Variants in KDM4A observed in about 807,000 individuals in gnomAD.
KDM4A encodes lysine demethylase 4A, also known as lysine-specific demethylase 4A.
A neutral mutation model predicts 127.1 loss-of-function variants in KDM4A; 23 were observed. The ratio of observed to expected loss-of-function variants is 0.18; its 90% CI spans 0.13 to 0.26. The LOEUF is 0.26. Ranked by LOEUF, KDM4A falls within the 10% of genes least tolerant of loss-of-function variation. KDM4A has a pLI of 1.00. For synonymous variants in KDM4A, 443 were observed against 466.5 expected (o/e 0.95, Z 0.65); for missense variants, 890 against 1,329.1 (o/e 0.67, Z 5.14).
At position 43,655,773 on chromosome 1, in the gene KDM4A, G is replaced by A. The variant is rs1048576504; in HGVS notation, c.314+7G>A. On this transcript the variant is annotated splice_region_variant and intron_variant, in intron 3 of 21. Coordinates refer to ENST00000372396, the MANE Select transcript of KDM4A (RefSeq NM_014663.3). ...AGATAGCCAATAGCGATAAGTGAGT[G>A]GAAACCCTTTCTTACCTGACATAGC... 1 of 1,601,644 alleles carries A rather than the reference G, an allele frequency of 6.2e-7. No individual in the cohort carries two copies. The highest frequency in any genetic ancestry group is 1.3e-5 in the African/African-American group (1 of 74,576).
chr1:43,700,268 C>T (rs1316379257), intron 19 of KDM4A, among the ~76,000 whole-genome samples: 1 of 152,108 alleles, frequency 6.6e-6, no homozygotes, highest in Non-Finnish European at 1.5e-5. Flanking sequence ...GCTGGGACTA[C>T]AGGCCCTTGT....
rs759138533 is a variant in KDM4A at position 43,669,117 on chromosome 1, T to C, written c.1181T>C (p.Ile394Thr). Residue 394 changes from isoleucine (I) to threonine (T), a missense_variant, in exon 10 of 22, where the codon ATA (isoleucine) becomes ACA (threonine). Ile to Thr is a moderately conservative substitution (Grantham distance 89, BLOSUM62 -1). Transcript: ENST00000372396. ...DLKTSLAKHRIGTKRHRVCLE... is the reference protein window; with the variant it reads ...DLKTSLAKHRTGTKRHRVCLE... ...CCTTGCAGCCTGGCCAAGCACCGAATAGGGACAAAGAGGCACCGAGTTTGT... is the reference window on the plus strand; with the variant it reads ...CCTTGCAGCCTGGCCAAGCACCGAACAGGGACAAAGAGGCACCGAGTTTGT... The C allele has an allele frequency of 4.3e-6, 7 of 1,614,048 alleles. No homozygotes were observed. The highest frequency in any genetic ancestry group is 5.9e-6 in the Non-Finnish European group (7 of 1,180,018).
chr1:43,694,166 G>C lies in KDM4A; in HGVS notation c.2484+64G>C. 1 of 1,297,398 alleles carries C rather than the reference G, an allele frequency of 7.7e-7. No homozygotes were observed. Among genetic ancestry groups the C allele is most frequent in the Non-Finnish European group, 1.1e-6 (1 of 909,030 alleles). The allele number at this position is 1,297,398 out of a possible 1,614,324, so 80.4% of individuals were successfully genotyped here. On this transcript the variant is annotated intron_variant, in intron 17 of 21. Transcript: ENST00000372396. This position sits in a 1 kb window ranked among gnomAD's most constrained non-coding sequence, Gnocchi z 5.2. ...AAGTTTCTGGGTAGAAGAGAACAGG[G>C]ACCTCCTGTACCCCTTGGTTTTGGT...
At position 43,664,222 on chromosome 1, in the gene KDM4A, G is replaced by C. The variant is rs1660449858; in HGVS notation, c.623+1135G>C. On this transcript the variant is annotated intron_variant, in intron 5 of 21. Transcript: ENST00000372396. ...TGGGCTTAGCAGCTGGGAGATTGAG[G>C]GAAGTGTATCCAGGCAGTTGGAACC... 2.0e-5 allele frequency among the ~76,000 whole-genome samples: 3 copies of C among 152,170 alleles called. No homozygotes were observed. In the South Asian group the frequency reaches 6.2e-4, roughly 32 times the overall value.
At chr1:43,675,585 C>T (rs530732486) in intron 11 of KDM4A, among the ~76,000 whole-genome samples, 1 of 152,282 alleles carries the variant, frequency 6.6e-6, no homozygotes, top group South Asian at 2.1e-4. Context: ...TAGTTTGTCT[C>T]AGGCATATAG....
intron 18 of KDM4A, among the ~76,000 whole-genome samples, chr1:43,697,358 G>A (rs1661265573): frequency 6.6e-6 from 1 of 152,218 alleles, no homozygotes; most frequent in African/African-American, 2.4e-5. Flanking sequence ...TTGGAATGGG[G>A]GACAGTTTGT....
intron 10 of KDM4A, 117 bp downstream of exon 10, chr1:43,669,416 G>A: frequency 9.9e-7 from 1 of 1,012,864 alleles, no homozygotes; most frequent in Non-Finnish European, 1.5e-6. Flanking sequence ...TCCGTGAGCA[G>A]ATAGCATACT....
chr1:43,665,273 T>A (rs1486380202), intron 5 of KDM4A, among the ~76,000 whole-genome samples: 1 of 151,494 alleles, frequency 6.6e-6, no homozygotes, highest in East Asian at 1.9e-4. Flanking sequence ...CACTTTGTTT[T>A]CCATCTTCCT....
chr1:43,703,394 A>G (rs1303076119), intron 19 of KDM4A: 1 of 320,908 alleles, frequency 3.1e-6, no homozygotes, highest in Non-Finnish European at 5.7e-6. Context: ...TTATAGCTGG[A>G]TTTTTTTTTT....
intron 11 of KDM4A, among the ~76,000 whole-genome samples, chr1:43,675,093 G>T (rs764311434): frequency 6.6e-6 from 1 of 152,006 alleles, no homozygotes; most frequent in Non-Finnish European, 1.5e-5. Flanking sequence ...TTTTTATTTC[G>T]GTATGTACTT....
At chr1:43,650,896 T>A (rs1660100818) in intron 1 of KDM4A, among the ~76,000 whole-genome samples, 1 of 152,188 alleles carries the variant, frequency 6.6e-6, no homozygotes, top group Non-Finnish European at 1.5e-5. Context: ...TAGGCTTTGT[T>A]ACTGATTGGG....
chr1:43,701,309 C>T (rs575596265), intron 19 of KDM4A, among the ~76,000 whole-genome samples: 24 of 152,294 alleles, frequency 1.6e-4, no homozygotes, highest in African/African-American at 5.3e-4. Flanking sequence ...TTGTGAATGC[C>T]GCTTCTCTGA....
At chr1:43,665,977 G>A (rs1307534219) in intron 6 of KDM4A, among the ~76,000 whole-genome samples, 2 of 152,132 alleles carry the variant, frequency 1.3e-5, no homozygotes, top group Admixed American at 6.6e-5. Flanking sequence ...TTTGACCAGC[G>A]ATAATGAACC....
chr1:43,690,456 T>G (rs1186855008), intron 13 of KDM4A: 3 of 304,590 alleles, frequency 9.8e-6, no homozygotes. Context: ...CCATGTTGGC[T>G]AGGCTGGTCT....
intron 12 of KDM4A, among the ~76,000 whole-genome samples, chr1:43,684,361 G>A (rs1410059615): frequency 6.6e-6 from 1 of 152,194 alleles, no homozygotes; most frequent in Non-Finnish European, 1.5e-5. Flanking sequence ...AAAGTAGCCG[G>A]GTGTCATGGC....
chr1:43,681,087 C>T (rs1557913713), intron 11 of KDM4A, among the ~76,000 whole-genome samples: 1 of 152,136 alleles, frequency 6.6e-6, no homozygotes, highest in Non-Finnish European at 1.5e-5. Context: ...CTCAAAAATA[C>T]TCCACGACGT....
At chr1:43,666,175 C>G (rs1660498267) in intron 6 of KDM4A, 1 of 433,104 alleles carries the variant, frequency 2.3e-6, no homozygotes, top group Admixed American at 4.1e-5. Context: ...AGAAAAGGTC[C>G]TAAATAGTTT....
chr1:43,678,412 C>G (rs186114872), intron 11 of KDM4A, among the ~76,000 whole-genome samples: 3 of 152,030 alleles, frequency 2.0e-5, no homozygotes, highest in East Asian at 1.9e-4. Context: ...AACAGTGTAT[C>G]CAGTGCCAGG....
chr1:43,681,711 C>T (rs747967298), intron 11 of KDM4A, among the ~76,000 whole-genome samples: 25 of 152,058 alleles, frequency 1.6e-4, no homozygotes, highest in Non-Finnish European at 2.2e-4. Context: ...AAAGTGATGG[C>T]GGGGGCAGGT....
Sources: gnomAD v4.1 joint callset for allele counts (sites outside exome capture counted in the v4.1 genomes callset) on GRCh38, gnomAD v4.1.1 for gene constraint, Gnocchi (gnomAD v3.1) non-coding constraint, MANE v1.5 for transcripts, NCBI Gene and HGNC (gene_info 2026-07-23, HGNC 2026-07-21) for gene names.